NFKB1: variants seen among roughly 807,000 people sequenced by gnomAD.
The protein encoded by NFKB1 is nuclear factor NF-kappa-B p105 subunit.
A neutral mutation model predicts 105.1 loss-of-function variants in NFKB1; 9 were observed. The ratio of observed to expected loss-of-function variants is 0.09; its 90% CI spans 0.05 to 0.15. The LOEUF (loss-of-function observed/expected upper bound fraction) is 0.15, where lower values mean the gene tolerates loss of function less well. Ranked by LOEUF, NFKB1 falls within the 10% of genes least tolerant of loss-of-function variation. NFKB1 has a pLI of 1.00. For missense variants in NFKB1, 830 were observed against 1,203.7 expected, an observed-to-expected ratio of 0.69 and a Z score of 4.59; for synonymous variants, 440 against 442.2, an observed-to-expected ratio of 1.00 and a Z score of 0.06.
chr4:102,576,965 A>G lies in NFKB1; in HGVS notation c.497A>G (p.Tyr166Cys), dbSNP rs1335157467. 1.9e-6 allele frequency: 3 copies of G among 1,614,006 alleles called. No individual in the cohort carries two copies. Among genetic ancestry groups the G allele is most frequent in the Non-Finnish European group, 2.5e-6 (3 of 1,179,966 alleles). The change falls in exon 7 of 24, where the codon TAT (tyrosine) becomes TGT (cysteine). Residue 166 changes from tyrosine to cysteine, a missense_variant. Transcript: ENST00000226574. Reference protein sequence around the residue: ...ARMTEACIRGYNPGLLVHPDL... With the variant: ...ARMTEACIRGCNPGLLVHPDL... ...ATGACAGAGGCGTGTATAAGGGGCT[A>G]TAATCCTGGACTCTTGGTGCACCCT...
At chr4:102,517,856 G>A (rs1740307878) in intron 1 of NFKB1, among the ~76,000 whole-genome samples, 1 of 152,168 alleles carries the variant, frequency 6.6e-6, no homozygotes. Context: ...GTTTTGATTA[G>A]GACATAGTAG....
At chr4:102,604,613 G>T (rs1727527212) in intron 16 of NFKB1, among the ~76,000 whole-genome samples, 2 of 151,404 alleles carry the variant, frequency 1.3e-5, no homozygotes, top group Middle Eastern at 6.8e-3. Flanking sequence ...TCTACATATA[G>T]CTAGTTTGTT....
chr4:102,608,616 G>A (rs1269770561), intron 19 of NFKB1, among the ~76,000 whole-genome samples: 2 of 150,900 alleles, frequency 1.3e-5, no homozygotes, highest in East Asian at 3.9e-4. Context: ...AATGAAATTG[G>A]CATCTGAAGC....
In NFKB1 at chr4:102,501,503, C is replaced by A. The variant is rs1039212785; in HGVS notation, c.-293C>A. The stretch of plus-strand genomic sequence containing the variant: ...GGCCTGCACGCAGCCACCGGCCCCG[C>A]TCCCGGAGCCCAGCGCCGCCGAGGC... On this transcript the variant is annotated 5_prime_UTR_variant, in exon 1 of 24. Coordinates refer to ENST00000226574, the MANE Select transcript of NFKB1 (RefSeq NM_003998.4). The A allele has an allele frequency of 2.2e-4, 33 of 149,574 alleles. No individual in the cohort carries two copies. Among genetic ancestry groups the A allele is most frequent in the Admixed American group, 2.1e-3 (31 of 15,008 alleles). 9.3% of individuals were successfully genotyped at this position (149,574 alleles called of 1,614,324 possible).
intron 6 of NFKB1, among the ~76,000 whole-genome samples, chr4:102,574,040 T>C (rs1429965249): frequency 6.6e-6 from 1 of 151,908 alleles, no homozygotes; most frequent in Non-Finnish European, 1.5e-5. Context: ...AATTATGAAT[T>C]ATATTTTTCT....
chr4:102,581,609 A>G (rs1725319148), intron 9 of NFKB1, among the ~76,000 whole-genome samples: 1 of 152,104 alleles, frequency 6.6e-6, no homozygotes, highest in Admixed American at 6.5e-5. Context: ...AGCTATTATC[A>G]TGCTGCTGTA....
chr4:102,507,149 G>A lies in NFKB1; in HGVS notation c.-8+5361G>A, dbSNP rs1199267023. Among the ~76,000 whole-genome samples, 5 of 151,764 alleles carry A rather than the reference G, an allele frequency of 3.3e-5. No homozygotes were observed. In the South Asian group the frequency reaches 8.3e-4, roughly 25 times the overall value. The stretch of plus-strand genomic sequence containing the variant: ...TCTATAACAATTGCACTGTAAAGCC[G>A]TCATTGTTGAAAAGTACTCCGAAGA... On this transcript the variant is annotated intron_variant, in intron 1 of 23. Transcript: ENST00000226574.
At chr4:102,601,202 A>G (rs1482418425) in intron 16 of NFKB1, among the ~76,000 whole-genome samples, 193 bp downstream of exon 16, 1 of 152,244 alleles carries the variant, frequency 6.6e-6, no homozygotes, top group African/African-American at 2.4e-5. Flanking sequence ...ATCTGTGGGT[A>G]TAACAGCCAT....
chr4:102,597,853 G>T (rs1056959041), intron 15 of NFKB1, among the ~76,000 whole-genome samples, 192 bp downstream of exon 15: 1 of 152,228 alleles, frequency 6.6e-6, no homozygotes, highest in African/African-American at 2.4e-5. Context: ...GCTGTCATCT[G>T]TTGGAATCTG....
chr4:102,529,659 T>C (rs577209214), intron 2 of NFKB1, among the ~76,000 whole-genome samples, 177 bp from the exon 3 acceptor site: 129 of 152,332 alleles, frequency 8.5e-4, no homozygotes, highest in Non-Finnish European at 1.4e-3. Flanking sequence ...TTTGTACACA[T>C]GAGAACTACC....
At chr4:102,540,651 AG>A (rs1389164662) in intron 5 of NFKB1, among the ~76,000 whole-genome samples, 1 of 152,186 alleles carries the variant, frequency 6.6e-6, no homozygotes, top group Non-Finnish European at 1.5e-5. Flanking sequence ...TTGTTCCCTT[AG>A]CTTGTCATTG....
At chr4:102,559,342 G>T (rs966916868) in intron 5 of NFKB1, among the ~76,000 whole-genome samples, 6 of 152,088 alleles carry the variant, frequency 3.9e-5, no homozygotes, top group African/African-American at 1.2e-4. Flanking sequence ...TAATCACTCA[G>T]CTTTAACAGC....
intron 1 of NFKB1, among the ~76,000 whole-genome samples, chr4:102,517,090 G>C (rs1431540553): frequency 6.6e-6 from 1 of 152,126 alleles, no homozygotes; most frequent in African/African-American, 2.4e-5. Context: ...ATCACAGCTT[G>C]GTATTTGGCC....
intron 5 of NFKB1, among the ~76,000 whole-genome samples, chr4:102,547,778 GTC>G (rs1199150121): frequency 1.3e-5 from 2 of 152,068 alleles, no homozygotes; most frequent in Admixed American, 1.3e-4. Flanking sequence ...TTTTAGTACA[GTC>G]TCTCTAATCA....
intron 11 of NFKB1, among the ~76,000 whole-genome samples, chr4:102,588,152 A>C (rs941338602): frequency 1.7e-4 from 26 of 152,218 alleles, no homozygotes; most frequent in African/African-American, 6.0e-4. Flanking sequence ...TAAGTTGCAT[A>C]GAAAATGCTC....
intron 5 of NFKB1, among the ~76,000 whole-genome samples, chr4:102,544,429 C>G (rs2149135366): frequency 6.6e-6 from 1 of 152,230 alleles, no homozygotes; most frequent in East Asian, 1.9e-4. Flanking sequence ...ATGGGCTTCA[C>G]TGCTTTTTCT....
chr4:102,609,170 A>G (rs1355688249), intron 19 of NFKB1, among the ~76,000 whole-genome samples: 7 of 150,786 alleles, frequency 4.6e-5, no homozygotes, highest in Non-Finnish European at 1.0e-4. Flanking sequence ...AAAAAAAAAA[A>G]GAAAAAGAAA....
In NFKB1 at chr4:102,613,408, T is replaced by G; in HGVS notation, c.2593-17T>G. ...TCGAACACAAGAACATGCTCCTCCT[T>G]CCTTTCTTTCTCACAGGTCTCTGGG... On this transcript the variant is annotated splice_polypyrimidine_tract_variant and intron_variant, in intron 22 of 23. Transcript: ENST00000226574. 3 of 1,612,036 alleles carry G rather than the reference T, an allele frequency of 1.9e-6. No individual in the cohort carries two copies.
intron 9 of NFKB1, 72 bp downstream of exon 9, chr4:102,580,711 G>C: frequency 1.6e-6 from 2 of 1,243,148 alleles, no homozygotes; most frequent in Non-Finnish European, 2.3e-6. Context: ...GTGTGTCTGT[G>C]AGTCACATTT....
Sources: allele counts gnomAD v4.1 joint callset (sites outside exome capture counted in the v4.1 genomes callset), GRCh38; gene constraint gnomAD v4.1.1; transcripts MANE v1.5; gene names NCBI Gene and HGNC (gene_info 2026-07-23, HGNC 2026-07-21).